Variants in NCAM1 observed in about 807,000 individuals in gnomAD.
NCAM1 encodes the protein antigen recognized by monoclonal antibody 5.1H11.
A neutral mutation model predicts 109.8 loss-of-function variants in NCAM1; 14 were observed. The observed-to-expected ratio is 0.13, with a 90% CI of 0.08 to 0.20. The LOEUF is 0.20. Ranked by LOEUF, NCAM1 falls within the 10% of genes least tolerant of loss-of-function variation. The pLI, the probability that NCAM1 is intolerant of heterozygous loss-of-function variation, is 1.00. For synonymous variants in NCAM1, 418 were observed against 442.9 expected, an observed-to-expected ratio of 0.94 and a Z score of 0.70; for missense variants, 774 against 1,109.9, an observed-to-expected ratio of 0.70 and a Z score of 4.30.
chr11:113,250,493 C>T (rs1555121070), intron 15 of NCAM1, among the ~76,000 whole-genome samples: 1 of 152,106 alleles, frequency 6.6e-6, no homozygotes, highest in East Asian at 1.9e-4. Context: ...AGTAAATAGG[C>T]TTCATATTTG....
At chr11:113,271,136 G>A (rs887411970) in intron 18 of NCAM1, among the ~76,000 whole-genome samples, 1 of 152,058 alleles carries the variant, frequency 6.6e-6, no homozygotes, top group South Asian at 2.1e-4. Flanking sequence ...TTGGGAGGCC[G>A]AGATGGATGG....
Position 113,128,944 on chromosome 11 carries a change from TGTGTGCATGC to T in NCAM1, c.53-73431_53-73422del, listed in dbSNP as rs1407482949. ...GTGTGTGTGTGTGTGTGTGTGTGTG[TGTGTGCATGC>T]GTGCAGGCACACATGATATATTAAA... On this transcript the variant is annotated intron_variant, in intron 1 of 19. Coordinates refer to ENST00000316851, the MANE Select transcript of NCAM1 (RefSeq NM_181351.5). 2.1e-5 allele frequency among the ~76,000 whole-genome samples: 3 copies of T among 144,826 alleles called. No individual in the cohort carries two copies. In the South Asian group the frequency reaches 6.6e-4, roughly 32 times the overall value.
chr11:113,224,393 C>A (rs1264464619), intron 9 of NCAM1, among the ~76,000 whole-genome samples: 1 of 152,218 alleles, frequency 6.6e-6, no homozygotes, highest in Non-Finnish European at 1.5e-5. Context: ...GGAGGGGCGC[C>A]CGCCATTGCT....
At chr11:113,248,969 C>T (rs1945580801) in intron 15 of NCAM1, among the ~76,000 whole-genome samples, 1 of 152,172 alleles carries the variant, frequency 6.6e-6, no homozygotes, top group African/African-American at 2.4e-5. Flanking sequence ...GGAGCCGTGG[C>T]TTTGTCCACC....
At chr11:113,135,306 TA>T (rs1941557075) in intron 1 of NCAM1, among the ~76,000 whole-genome samples, 1 of 152,154 alleles carries the variant, frequency 6.6e-6, no homozygotes, top group African/African-American at 2.4e-5. Context: ...ATGTCATCTG[TA>T]AAAAAGCATC....
Position 113,264,993 on chromosome 11 carries a change from C to T in NCAM1, c.2131+4670C>T, listed in dbSNP as rs1464399401. The T allele has an allele frequency of 4.1e-6, 4 of 984,628 alleles. No homozygotes were observed. The African/African-American group carries it at 5.2e-5, about 13-fold the overall frequency. 61.0% of individuals were successfully genotyped at this position (984,628 alleles called of 1,614,324 possible). A position where few individuals can be genotyped will look rare whatever the true frequency, so the allele number is the denominator to read the frequency against. ...GTGCACCCCACCTTGCTCAGCCACA[C>T]CCCACTCCCCTGTGCCCTGTAGTTG... On this transcript the variant is annotated intron_variant, in intron 17 of 19. Transcript: ENST00000316851.
chr11:113,123,210 T>C (rs1941038637), intron 1 of NCAM1, among the ~76,000 whole-genome samples: 1 of 151,670 alleles, frequency 6.6e-6, no homozygotes, highest in Non-Finnish European at 1.5e-5. Context: ...GTTAGAAGAT[T>C]TGAAATATTC....
At chr11:113,252,405 CAAAAAA>C (rs58848352) in intron 15 of NCAM1, among the ~76,000 whole-genome samples, 1 of 84,736 alleles carries the variant, frequency 1.2e-5, no homozygotes, top group Non-Finnish European at 2.6e-5. Context: ...GACCCTGTCT[CAAAAAA>C]AAAAAAAAAA....
chr11:113,189,449 CAAA>C (rs10712434), intron 1 of NCAM1, among the ~76,000 whole-genome samples: 17 of 118,016 alleles, frequency 1.4e-4, no homozygotes, highest in Admixed American at 1.8e-4. Context: ...GATTCTGTCT[CAAA>C]AAAAAAAAAA....
intron 17 of NCAM1, chr11:113,264,301 AT>A: frequency 1.0e-6 from 1 of 985,286 alleles, no homozygotes; most frequent in Non-Finnish European, 1.2e-6. Flanking sequence ...GGGATTCCAA[AT>A]GATCCCATGC....
intron 1 of NCAM1, among the ~76,000 whole-genome samples, chr11:113,015,428 A>T (rs556358953): frequency 6.6e-6 from 1 of 152,296 alleles, no homozygotes; most frequent in South Asian, 2.1e-4. Flanking sequence ...CCATTTTATG[A>T]TAGACACTTT....
rs117774961 is a variant in NCAM1 at position 113,221,482 on chromosome 11, T to G, written c.1089+157T>G. 4,073 of 721,082 alleles carry G rather than the reference T, an allele frequency of 5.6e-3. 48 individuals carry two copies. Among genetic ancestry groups the G allele is most frequent in the African/African-American group, 0.04 (2,241 of 56,310 alleles). The allele number at this position is 721,082 out of a possible 1,614,324, so 44.7% of individuals were successfully genotyped here. A position where few individuals can be genotyped will look rare whatever the true frequency, so the allele number is the denominator to read the frequency against. ...ACATTACTTAGCAATAGTATCATTT[T>G]AGGATGAGCAAGCAAGCTGTGTTGG... On this transcript the variant is annotated intron_variant, in intron 9 of 19. Coordinates refer to ENST00000316851, the MANE Select transcript of NCAM1 (RefSeq NM_181351.5).
chr11:113,226,626 C>A (rs1944854547), intron 9 of NCAM1, among the ~76,000 whole-genome samples: 1 of 152,212 alleles, frequency 6.6e-6, no homozygotes, highest in African/African-American at 2.4e-5. Flanking sequence ...ACAAAATATA[C>A]ATTCTTCTCA....
At chr11:113,205,760 A>G (rs1392035448) in intron 4 of NCAM1, 94 bp downstream of exon 4, 3 of 1,475,496 alleles carry the variant, frequency 2.0e-6, no homozygotes, top group South Asian at 1.3e-5. Context: ...TCCAAACTCC[A>G]ATTCATGTGT....
chr11:113,158,824 G>A (rs186202072), intron 1 of NCAM1, among the ~76,000 whole-genome samples: 1 of 152,228 alleles, frequency 6.6e-6, no homozygotes, highest in African/African-American at 2.4e-5. Context: ...GGTTAAGTAG[G>A]GTTGTTGAGG....
intron 1 of NCAM1, among the ~76,000 whole-genome samples, chr11:113,058,705 G>A (rs1953805486): frequency 6.6e-6 from 1 of 152,146 alleles, no homozygotes. Context: ...TAAGAGTAGA[G>A]TCAGTCGCTT....
intron 1 of NCAM1, among the ~76,000 whole-genome samples, chr11:113,104,608 G>T (rs988139533): frequency 6.6e-6 from 1 of 152,062 alleles, no homozygotes; most frequent in Non-Finnish European, 1.5e-5. Flanking sequence ...CTGAATCGGG[G>T]GTAATCACTC....
chr11:113,033,506 G>C (rs1293796736), intron 1 of NCAM1, among the ~76,000 whole-genome samples: 5 of 151,936 alleles, frequency 3.3e-5, no homozygotes, highest in Non-Finnish European at 7.4e-5. Context: ...TTAGATACTG[G>C]GTTAATTTTT....
intron 1 of NCAM1, among the ~76,000 whole-genome samples, chr11:113,187,413 A>G (rs1325775801): frequency 6.6e-6 from 1 of 152,222 alleles, no homozygotes; most frequent in East Asian, 1.9e-4. Flanking sequence ...TTGATTTTTT[A>G]GCCTTATAAC....
Sources: allele counts gnomAD v4.1 joint callset (sites outside exome capture counted in the v4.1 genomes callset), GRCh38; gene constraint gnomAD v4.1.1; transcripts MANE v1.5; gene names NCBI Gene and HGNC (gene_info 2026-07-23, HGNC 2026-07-21).